Variants in SYK observed in about 807,000 individuals in gnomAD.
SYK encodes tyrosine-protein kinase SYK.
In SYK, 16 loss-of-function variants were observed where a neutral mutation model predicts 77.8. That is an observed-to-expected ratio of 0.21 (90% CI 0.14 to 0.31). The LOEUF (loss-of-function observed/expected upper bound fraction) is 0.31. SYK is among the 10% of genes least tolerant of loss of function. SYK has a pLI of 1.00. For synonymous variants in SYK, 312 were observed against 308.7 expected (o/e 1.01, Z -0.11); for missense variants, 529 against 814.4 (o/e 0.65, Z 4.26).
chr9:90,814,356 C>T (rs142621424), intron 1 of SYK, among the ~76,000 whole-genome samples: 4 of 152,282 alleles, frequency 2.6e-5, no homozygotes, highest in South Asian at 2.1e-4. Flanking sequence ...GGCCACTGAC[C>T]GCTCAATTAC....
At chr9:90,869,517 TG>T (rs1332128330) in intron 7 of SYK, among the ~76,000 whole-genome samples, 1 of 152,146 alleles carries the variant, frequency 6.6e-6, no homozygotes, top group Non-Finnish European at 1.5e-5. Flanking sequence ...CACAAACAAA[TG>T]GGGAACTTTC....
At chr9:90,816,066 GTTTGTTTTGT>G (rs915818152) in intron 1 of SYK, among the ~76,000 whole-genome samples, 4 of 152,120 alleles carry the variant, frequency 2.6e-5, no homozygotes, top group East Asian at 3.9e-4. Context: ...TTTTTTGTTT[GTTTGTTTTGT>G]TTTGTTTTGT....
Position 90,862,315 on chromosome 9 carries a change from G to A in SYK, c.688G>A (p.Glu230Lys), listed in dbSNP as rs200498885. 18 of 1,613,928 alleles carry A rather than the reference G, an allele frequency of 1.1e-5. No homozygotes were observed. The highest frequency in any genetic ancestry group is 6.7e-5 in the Admixed American group (4 of 60,006). ...KDKTGKLSIP[E>K]GKKFDTLWQL... ...CAAGACAGGGAAGCTCTCCATCCCCGAGGGAAAGAAGTTCGACACGCTCTG... is the reference window on the plus strand; with the variant it reads ...CAAGACAGGGAAGCTCTCCATCCCCAAGGGAAAGAAGTTCGACACGCTCTG... Residue 230 changes from glutamate to lysine, a missense_variant, in exon 4 of 14, where the codon GAG becomes AAG. Glu to Lys is a moderately conservative substitution (Grantham distance 56). Transcript: ENST00000375754.
intron 1 of SYK, among the ~76,000 whole-genome samples, chr9:90,816,884 A>G (rs1175522973): frequency 6.6e-6 from 1 of 152,148 alleles, no homozygotes; most frequent in Non-Finnish European, 1.5e-5. Flanking sequence ...CTTCTTTTTC[A>G]TGGCTGAATA....
intron 3 of SYK, among the ~76,000 whole-genome samples, chr9:90,849,295 A>G (rs1449100422): frequency 2.0e-5 from 3 of 152,132 alleles, no homozygotes; most frequent in African/African-American, 4.8e-5. Context: ...ATGCCTGAGC[A>G]TCAGTCAGTT....
chr9:90,863,069 T>C lies in SYK; in HGVS notation c.717+725T>C, dbSNP rs146554241. Among the ~76,000 whole-genome samples the C allele has an allele frequency of 7.8e-3, 1,181 of 152,362 alleles. 7 individuals carry two copies. The highest frequency in any genetic ancestry group is 0.027 in the African/African-American group (1,139 of 41,582). On this transcript the variant is annotated intron_variant, in intron 4 of 13. Coordinates refer to ENST00000375754, the MANE Select transcript of SYK (RefSeq NM_003177.7). Reference sequence around the variant, plus strand: ...AATTTGGAAGTTCCTTAGGCACTAATGAGCACTAAAATAATGCTCATCACT... The same window carrying C: ...AATTTGGAAGTTCCTTAGGCACTAACGAGCACTAAAATAATGCTCATCACT...
In SYK at chr9:90,898,445, C is replaced by T. The variant is rs1392490843; in HGVS notation, c.*2845C>T. On this transcript the variant is annotated 3_prime_UTR_variant, in exon 14 of 14. Transcript: ENST00000375754. ...CTCCCAGCCCTGCAGAGAGCTCCCT[C>T]CACTGGTTAGCAGTGTGTTGTGTTT... 2 of 223,102 alleles carry T rather than the reference C, an allele frequency of 9.0e-6. No individual in the cohort carries two copies. Among genetic ancestry groups the T allele is most frequent in the Non-Finnish European group, 1.8e-5 (2 of 111,860 alleles). The allele number at this position is 223,102 out of a possible 1,614,324, so 13.8% of individuals were successfully genotyped here.
At chr9:90,839,969 C>A (rs1447560211) in intron 1 of SYK, among the ~76,000 whole-genome samples, 1 of 152,004 alleles carries the variant, frequency 6.6e-6, no homozygotes, top group Non-Finnish European at 1.5e-5. Context: ...GGCTGATGTG[C>A]GCTTTGAGGG....
intron 11 of SYK, 103 bp from the exon 12 acceptor site, chr9:90,887,646 G>A: frequency 1.5e-6 from 2 of 1,299,300 alleles, no homozygotes; most frequent in Non-Finnish European, 2.1e-6. Flanking sequence ...CAAGTGATCT[G>A]CTCTCCTCAG....
chr9:90,845,761 C>T (rs748859245), intron 3 of SYK, among the ~76,000 whole-genome samples, 167 bp downstream of exon 3: 1 of 152,224 alleles, frequency 6.6e-6, no homozygotes, highest in Non-Finnish European at 1.5e-5. Flanking sequence ...CTAACCAAAG[C>T]TATCACTTGT....
At chr9:90,815,775 G>T (rs547565609) in intron 1 of SYK, among the ~76,000 whole-genome samples, 1 of 152,350 alleles carries the variant, frequency 6.6e-6, no homozygotes, top group Non-Finnish European at 1.5e-5. Context: ...AATGTGCTCG[G>T]CTCTGTGCTT....
rs1829031780 is a variant in SYK at position 90,897,393 on chromosome 9, T to G, written c.*1793T>G. The G allele has an allele frequency of 8.6e-6, 2 of 231,818 alleles. No individual in the cohort carries two copies. Among genetic ancestry groups the G allele is most frequent in the African/African-American group, 4.4e-5 (2 of 45,278 alleles). 14.4% of individuals were successfully genotyped at this position (231,818 alleles called of 1,614,324 possible). ...TTTAGAATCCCTGAAATTAGAAAGA[T>G]CAATGACAAAATATCTGTCAGCCAG... On this transcript the variant is annotated 3_prime_UTR_variant, in exon 14 of 14. Coordinates refer to ENST00000375754, the MANE Select transcript of SYK (RefSeq NM_003177.7).
intron 1 of SYK, among the ~76,000 whole-genome samples, chr9:90,828,217 T>C (rs169724): frequency 0.079 from 10,411 of 132,292 alleles, 864 homozygotes; most frequent in East Asian, 0.4. Context: ...CATTGCAGTC[T>C]GCTGTGGCCT....
chr9:90,849,299 G>T (rs1036850535), intron 3 of SYK, among the ~76,000 whole-genome samples: 12 of 152,260 alleles, frequency 7.9e-5, no homozygotes, highest in Non-Finnish European at 1.8e-4. Flanking sequence ...CTGAGCATCA[G>T]TCAGTTTGTC....
At chr9:90,891,932 G>A (rs1828808987) in intron 13 of SYK, among the ~76,000 whole-genome samples, 1 of 152,126 alleles carries the variant, frequency 6.6e-6, no homozygotes. Context: ...ACAAAGCCCT[G>A]AGAAGGCAGA....
intron 1 of SYK, among the ~76,000 whole-genome samples, chr9:90,811,830 G>A (rs560022304): frequency 1.3e-5 from 2 of 151,770 alleles, no homozygotes; most frequent in African/African-American, 4.8e-5. Context: ...GGGCGCTGAG[G>A]TGGGGGGATC....
At chr9:90,852,036 G>A (rs72729056) in intron 3 of SYK, among the ~76,000 whole-genome samples, 3,857 of 152,126 alleles carry the variant, frequency 0.025, 167 homozygotes, top group East Asian at 0.22. Context: ...AACACCTTTT[G>A]TTTCCTCCAT....
At chr9:90,870,397 A>G (rs1384898899) in intron 7 of SYK, among the ~76,000 whole-genome samples, 1 of 152,190 alleles carries the variant, frequency 6.6e-6, no homozygotes, top group Non-Finnish European at 1.5e-5. Context: ...AGAATTTCCA[A>G]TTAAAACCCA....
intron 8 of SYK, 24 bp from the exon 9 acceptor site, chr9:90,874,648 G>A (rs202174375): frequency 1.3e-5 from 20 of 1,598,278 alleles, no homozygotes; most frequent in Admixed American, 1.7e-5. Flanking sequence ...GCCCCAGGTC[G>A]TATGTTTCTT....
Sources: allele counts gnomAD v4.1 joint callset (sites outside exome capture counted in the v4.1 genomes callset), GRCh38; gene constraint gnomAD v4.1.1; transcripts MANE v1.5; gene names NCBI Gene and HGNC (gene_info 2026-07-23, HGNC 2026-07-21).